Variants in RSU1 observed in about 807,000 individuals in gnomAD.
The protein encoded by RSU1 is Ras suppressor protein 1, also known as rsu-1.
RSU1 carries 26 observed loss-of-function variants against 31.1 expected under a neutral mutation model. The observed-to-expected ratio is 0.84, with a 90% CI of 0.61 to 1.16. The LOEUF is 1.16. Among genes scored for constraint, RSU1 ranks in the 50% most tolerant of loss-of-function variants. The pLI is 0.00. For missense variants in RSU1, 320 were observed against 339.1 expected, an observed-to-expected ratio of 0.94 and a Z score of 0.44; for synonymous variants, 164 against 136.3, an observed-to-expected ratio of 1.20 and a Z score of -1.41.
At chr10:16,749,560 A>G (rs1836930382) in intron 7 of RSU1, among the ~76,000 whole-genome samples, 2 of 152,186 alleles carry the variant, frequency 1.3e-5, no homozygotes, top group Non-Finnish European at 2.9e-5. Flanking sequence ...ACCAGTGCCC[A>G]GCACTGCCCA....
chr10:16,743,046 G>A (rs1393774495), intron 7 of RSU1, among the ~76,000 whole-genome samples: 6 of 152,182 alleles, frequency 3.9e-5, no homozygotes, highest in East Asian at 1.9e-4. Flanking sequence ...GATATGGTAT[G>A]ATTTTTTGTG....
chr10:16,703,708 G>C (rs950746406), intron 7 of RSU1, among the ~76,000 whole-genome samples: 4 of 152,114 alleles, frequency 2.6e-5, no homozygotes, highest in Non-Finnish European at 5.9e-5. Context: ...TATACAGCAT[G>C]ATCTTAACTT....
chr10:16,655,975 T>C (rs933239306), intron 8 of RSU1, among the ~76,000 whole-genome samples: 1 of 151,466 alleles, frequency 6.6e-6, no homozygotes, highest in South Asian at 2.1e-4. Context: ...ACTGTGATAA[T>C]AAAAATACAA....
chr10:16,749,502 T>G (rs1454809614), intron 7 of RSU1, among the ~76,000 whole-genome samples: 1 of 152,074 alleles, frequency 6.6e-6, no homozygotes, highest in African/African-American at 2.4e-5. Context: ...CATCCACACT[T>G]TAAAACACCC....
intron 2 of RSU1, among the ~76,000 whole-genome samples, chr10:16,812,756 C>A (rs1267211799): frequency 6.6e-6 from 1 of 151,932 alleles, no homozygotes. Flanking sequence ...GGGCAATACA[C>A]TTGAAGAGAT....
chr10:16,615,156 A>G (rs760097550), intron 8 of RSU1, among the ~76,000 whole-genome samples: 22 of 152,132 alleles, frequency 1.4e-4, no homozygotes, highest in Non-Finnish European at 2.8e-4. Context: ...TGCAAAGACA[A>G]ACAAAGGCTC....
At chr10:16,738,708 T>A (rs767166938) in intron 7 of RSU1, among the ~76,000 whole-genome samples, 6 of 152,016 alleles carry the variant, frequency 3.9e-5, no homozygotes, top group Non-Finnish European at 4.4e-5. Context: ...TAAAAAAAAA[T>A]TATTTTAAGT....
chr10:16,666,859 C>T (rs1290238746), intron 8 of RSU1, among the ~76,000 whole-genome samples: 1 of 152,030 alleles, frequency 6.6e-6, no homozygotes, highest in Non-Finnish European at 1.5e-5. Flanking sequence ...CATGGTGACG[C>T]ATGCCTGTAA....
At chr10:16,751,949 T>C (rs1377797417) in intron 7 of RSU1, among the ~76,000 whole-genome samples, 1 of 152,116 alleles carries the variant, frequency 6.6e-6, no homozygotes, top group Non-Finnish European at 1.5e-5. Flanking sequence ...AGGAACGACC[T>C]GGCAGAGAAA....
At chr10:16,663,443 A>G (rs1230028325) in intron 8 of RSU1, among the ~76,000 whole-genome samples, 2 of 152,220 alleles carry the variant, frequency 1.3e-5, no homozygotes, top group Non-Finnish European at 1.5e-5. Flanking sequence ...AGCTGTATCA[A>G]GCAAGACTCT....
chr10:16,725,918 A>G (rs2131595296), intron 7 of RSU1, among the ~76,000 whole-genome samples: 1 of 150,874 alleles, frequency 6.6e-6, no homozygotes, highest in East Asian at 1.9e-4. Context: ...ATCTAGCCAA[A>G]TAAGCAACAA....
intron 8 of RSU1, among the ~76,000 whole-genome samples, chr10:16,692,513 C>T (rs972294808): frequency 6.6e-6 from 1 of 152,094 alleles, no homozygotes; most frequent in African/African-American, 2.4e-5. Context: ...TTTCTGTATA[C>T]TATCATATAC....
rs1306262823 is a variant in RSU1, at chr10:16,598,695, T to G, written c.732-5199A>C. Among the ~76,000 whole-genome samples, 3 of 152,240 alleles carry G rather than the reference T, an allele frequency of 2.0e-5. 1 individual carries two copies. Among genetic ancestry groups the G allele is most frequent in the South Asian group, 4.1e-4 (2 of 4,832 alleles). On this transcript the variant is annotated intron_variant, in intron 8 of 8. Coordinates refer to ENST00000345264, the MANE Select transcript of RSU1 (RefSeq NM_012425.4). ...AAGCCAGAAAAGCAAGGAAATGCTC[T>G]TCCCTAGAATCTCCTGCAAGAGGCA...
At chr10:16,743,832 G>A (rs1265624337) in intron 7 of RSU1, among the ~76,000 whole-genome samples, 5 of 152,096 alleles carry the variant, frequency 3.3e-5, no homozygotes, top group Non-Finnish European at 7.4e-5. Context: ...TTTTCTTAAG[G>A]AAATAGTTAA....
chr10:16,779,608 A>G (rs952784434), intron 3 of RSU1, among the ~76,000 whole-genome samples: 1 of 152,216 alleles, frequency 6.6e-6, no homozygotes, highest in Non-Finnish European at 1.5e-5. Flanking sequence ...TTTGCAAGAT[A>G]AAAGCAGTGC....
At chr10:16,786,611 C>T (rs1467640131) in intron 2 of RSU1, among the ~76,000 whole-genome samples, 2 of 152,116 alleles carry the variant, frequency 1.3e-5, no homozygotes. Flanking sequence ...TAACACACTC[C>T]TAACACCTGT....
intron 7 of RSU1, among the ~76,000 whole-genome samples, chr10:16,715,956 C>G (rs1724843780): frequency 6.6e-6 from 1 of 152,174 alleles, no homozygotes; most frequent in Non-Finnish European, 1.5e-5. Context: ...TAAATATAGG[C>G]AAGCATTTCC....
At chr10:16,673,030 G>C (rs574748776) in intron 8 of RSU1, among the ~76,000 whole-genome samples, 37 of 152,344 alleles carry the variant, frequency 2.4e-4, no homozygotes, top group African/African-American at 8.2e-4. Context: ...AGGTGGAAGA[G>C]AACCTAGCAT....
chr10:16,669,744 C>A lies in RSU1; in HGVS notation c.731+25279G>T, dbSNP rs548360892. Among the ~76,000 whole-genome samples the A allele has an allele frequency of 1.7e-3, 260 of 152,304 alleles. 7 individuals are homozygous for A. In the South Asian group the frequency reaches 0.052, roughly 31 times the overall value. On this transcript the variant is annotated intron_variant, in intron 8 of 8. Transcript: ENST00000345264. ...GCTTCCAGCTCCATCCGTGTCCCTG[C>A]AAAGGACATGATCTCATTCCTATAT...
Sources: gnomAD v4.1 joint callset for allele counts (sites outside exome capture counted in the v4.1 genomes callset) on GRCh38, gnomAD v4.1.1 for gene constraint, MANE v1.5 for transcripts, NCBI Gene and HGNC (gene_info 2026-07-23, HGNC 2026-07-21) for gene names.